HUS1: variants seen among roughly 807,000 people sequenced by gnomAD.
HUS1 encodes the protein HUS1 checkpoint clamp component, also known as checkpoint protein HUS1.
Under a neutral mutation model 32.6 loss-of-function variants are expected in HUS1, and 31 were observed. The observed-to-expected ratio is 0.95, with a 90% CI of 0.72 to 1.28. The LOEUF (loss-of-function observed/expected upper bound fraction) is 1.28, where lower values mean the gene tolerates loss of function less well. Among genes scored for constraint, HUS1 ranks in the 50% most tolerant of loss-of-function variants. The pLI, the probability that HUS1 is intolerant of heterozygous loss-of-function variation, is 0.00. For missense variants in HUS1, 340 were observed against 337.7 expected, an observed-to-expected ratio of 1.01 and a Z score of -0.05; for synonymous variants, 123 against 116.6, an observed-to-expected ratio of 1.06 and a Z score of -0.36.
chr7:47,968,029 G>T, intron 6 of HUS1, 104 bp from the exon 7 acceptor site: 1 of 1,198,662 alleles, frequency 8.3e-7, no homozygotes. Context: ...CTTTAGCACT[G>T]ATTTTAGCAT....
At chr7:47,974,343 G>A (rs1307943921) in intron 5 of HUS1, among the ~76,000 whole-genome samples, 1 of 110,930 alleles carries the variant, frequency 9.0e-6, no homozygotes, top group Non-Finnish European at 1.8e-5. Flanking sequence ...CATGTACACT[G>A]GACAGCTCAG....
chr7:47,979,322 C>A (rs1411795108), intron 1 of HUS1, 146 bp downstream of exon 1: 76 of 325,538 alleles, frequency 2.3e-4, no homozygotes, highest in South Asian at 7.3e-4. Context: ...CCTCCCGCGG[C>A]CTACACCAGC....
Position 47,965,434 on chromosome 7 carries a change from A to C in HUS1, c.765T>G (p.Ile255Met). Residue 255 changes from isoleucine (I) to methionine (M), a missense_variant, in exon 8 of 8, where the codon ATT (isoleucine) becomes ATG (methionine). Ile to Met is a conservative substitution (Grantham distance 10). Coordinates refer to ENST00000258774, the MANE Select transcript of HUS1 (RefSeq NM_004507.4). Reference sequence around the variant, plus strand: ...CAAAATGCACCATCTTGTTATTCACAATATCTGGGAAGAGAAAAGCCATGA... The same window carrying C: ...CAAAATGCACCATCTTGTTATTCACCATATCTGGGAAGAGAAAAGCCATGA... ...QVNPTKALCN[I>M]VNNKMVHFDL... 6.2e-7 allele frequency: 1 copy of C among 1,610,570 alleles called. No homozygotes were observed. The highest frequency in any genetic ancestry group is 8.5e-7 in the Non-Finnish European group (1 of 1,176,798).
At chr7:47,977,168 G>A (rs1298343426) in intron 3 of HUS1, among the ~76,000 whole-genome samples, 1 of 152,198 alleles carries the variant, frequency 6.6e-6, no homozygotes, top group Non-Finnish European at 1.5e-5. Flanking sequence ...AGACCAGGGT[G>A]AGTGTGGGGG....
intron 4 of HUS1, 51 bp from the exon 5 acceptor site, chr7:47,975,738 C>T: frequency 9.5e-7 from 1 of 1,053,312 alleles, no homozygotes; most frequent in Non-Finnish European, 1.4e-6. Flanking sequence ...TTAATATACT[C>T]TAGTAATGAC....
chr7:47,969,225 G>A lies in HUS1; in HGVS notation c.634C>T (p.Pro212Ser). 1 of 1,525,520 alleles carries A rather than the reference G, an allele frequency of 6.6e-7. No individual in the cohort carries two copies. Among genetic ancestry groups the A allele is most frequent in the African/African-American group, 1.4e-5 (1 of 72,318 alleles). The allele number at this position is 1,525,520 out of a possible 1,614,324, so 94.5% of individuals were successfully genotyped here. A position where few individuals can be genotyped will look rare whatever the true frequency, so the allele number is the denominator to read the frequency against. The change falls in exon 6 of 8, where the codon CCA becomes TCA. Residue 212 changes from proline (P) to serine (S), a missense_variant. Coordinates refer to ENST00000258774, the MANE Select transcript of HUS1 (RefSeq NM_004507.4). ...AACCCACTAGAAAACTTACCTAATG[G>A]AGGATTTCCAAGATCTTTAAAATGA... ...TTHFKDLGNP[P>S]LASESTHEDR...
Position 47,964,995 on chromosome 7 carries a change from A to AC in HUS1, c.*360_*361insG, listed in dbSNP as rs1788448559. 1 of 207,050 alleles carries AC rather than the reference A, an allele frequency of 4.8e-6. No homozygotes were observed. Among genetic ancestry groups the AC allele is most frequent in the Admixed American group, 5.2e-5 (1 of 19,274 alleles). The allele number at this position is 207,050 out of a possible 1,614,324, so 12.8% of individuals were successfully genotyped here. A position where few individuals can be genotyped will look rare whatever the true frequency, so the allele number is the denominator to read the frequency against. Reference sequence around the variant, plus strand: ...TGAGCTAGAGCCTCTGCCTGGAGGGAAAGTACCAAGCTCCCAGGCAACAGC... The same window carrying AC: ...TGAGCTAGAGCCTCTGCCTGGAGGGACAAGTACCAAGCTCCCAGGCAACAGC... On this transcript the variant is annotated 3_prime_UTR_variant, in exon 8 of 8. Coordinates refer to ENST00000258774, the MANE Select transcript of HUS1 (RefSeq NM_004507.4).
chr7:47,966,370 G>A (rs1218930695), intron 7 of HUS1, among the ~76,000 whole-genome samples: 8 of 152,218 alleles, frequency 5.3e-5, no homozygotes, highest in Admixed American at 2.0e-4. Context: ...TACACGTGGA[G>A]ACACCAAAGT....
chr7:47,967,468 T>C (rs1465679307), intron 7 of HUS1, among the ~76,000 whole-genome samples: 1 of 152,170 alleles, frequency 6.6e-6, no homozygotes, highest in Admixed American at 6.5e-5. Context: ...TAGATGACCA[T>C]GGAGAAGGTG....
intron 5 of HUS1, among the ~76,000 whole-genome samples, chr7:47,975,095 C>T (rs1230150307): frequency 2.0e-5 from 3 of 152,208 alleles, no homozygotes; most frequent in Middle Eastern, 3.4e-3. Context: ...GGGCGGACCA[C>T]GAGGTCAGGA....
rs1372045780 is a variant in HUS1 at position 47,963,967 on chromosome 7, T to C, written c.*1389A>G. 1 of 151,874 alleles carries C rather than the reference T, an allele frequency of 6.6e-6. No homozygotes were observed. The highest frequency in any genetic ancestry group is 1.5e-5 in the Non-Finnish European group (1 of 67,976). The allele number at this position is 151,874 out of a possible 1,614,324, so 9.4% of individuals were successfully genotyped here. Reference sequence around the variant, plus strand: ...CTAAACATCAAAAGAATCATTCAAATACACTGGTTTTATCAAAAAACATGA... The same window carrying C: ...CTAAACATCAAAAGAATCATTCAAACACACTGGTTTTATCAAAAAACATGA... On this transcript the variant is annotated 3_prime_UTR_variant, in exon 8 of 8. Transcript: ENST00000258774.
intron 5 of HUS1, among the ~76,000 whole-genome samples, chr7:47,975,317 CAAAA>C (rs199919857): frequency 6.6e-5 from 4 of 60,998 alleles, no homozygotes. Flanking sequence ...GACTCTGTCT[CAAAA>C]AAAAAAAAAA....
At chr7:47,976,202 G>C (rs1788700607) in intron 4 of HUS1, 1 of 367,958 alleles carries the variant, frequency 2.7e-6, no homozygotes, top group Non-Finnish European at 5.4e-6. Flanking sequence ...TAAAAGTCAA[G>C]TAATTATTTT....
intron 6 of HUS1, among the ~76,000 whole-genome samples, chr7:47,968,486 T>C (rs933663085): frequency 3.9e-5 from 6 of 152,220 alleles, no homozygotes; most frequent in African/African-American, 1.4e-4. Flanking sequence ...AAAATCTGTG[T>C]TTATATTCAA....
chr7:47,966,462 A>G (rs2037486), intron 7 of HUS1, among the ~76,000 whole-genome samples: 121,286 of 152,186 alleles, frequency 0.8, 48,874 homozygotes, highest in East Asian at 0.98. Flanking sequence ...GGATTCAGAA[A>G]GTCCCCAAAA....
intron 7 of HUS1, among the ~76,000 whole-genome samples, chr7:47,966,077 CAG>C (rs1583712413): frequency 6.6e-6 from 1 of 151,042 alleles, no homozygotes; most frequent in Non-Finnish European, 1.5e-5. Flanking sequence ...GAGCAGGCTG[CAG>C]AGAGGCCAAT....
chr7:47,972,901 T>C (rs547469095), intron 5 of HUS1, among the ~76,000 whole-genome samples: 1 of 152,286 alleles, frequency 6.6e-6, no homozygotes, highest in African/African-American at 2.4e-5. Context: ...ATGTGGTTTG[T>C]TTTGGCTCAG....
chr7:47,974,862 T>G (rs978808066), intron 5 of HUS1, among the ~76,000 whole-genome samples: 6 of 152,080 alleles, frequency 3.9e-5, no homozygotes, highest in Non-Finnish European at 7.4e-5. Context: ...CCCCCTAGCT[T>G]GGTGTGAGGT....
intron 5 of HUS1, chr7:47,971,406 C>T (rs1349206859): frequency 6.6e-6 from 3 of 454,782 alleles, no homozygotes; most frequent in Non-Finnish European, 1.3e-5. Context: ...CCCTCTTCTA[C>T]TCCTGCTCTT....
Sources: gnomAD v4.1 joint callset for allele counts (sites outside exome capture counted in the v4.1 genomes callset) on GRCh38, gnomAD v4.1.1 for gene constraint, MANE v1.5 for transcripts, NCBI Gene and HGNC (gene_info 2026-07-23, HGNC 2026-07-21) for gene names.